SIK3: variants seen among roughly 807,000 people sequenced by gnomAD.
SIK3 encodes serine/threonine-protein kinase SIK3.
Under a neutral mutation model 144.2 loss-of-function variants are expected in SIK3, and 28 were observed. The observed-to-expected ratio is 0.19, with a 90% CI of 0.14 to 0.27. SIK3 has a LOEUF of 0.27. SIK3 is among the 10% of genes least tolerant of loss of function. The pLI is 1.00. For missense variants in SIK3, 1,319 were observed against 1,776.0 expected, an observed-to-expected ratio of 0.74 and a Z score of 4.62; for synonymous variants, 686 against 676.3, an observed-to-expected ratio of 1.01 and a Z score of -0.22.
chr11:117,042,856 T>C (rs1952807083), intron 1 of SIK3, among the ~76,000 whole-genome samples: 2 of 152,240 alleles, frequency 1.3e-5, no homozygotes, highest in Non-Finnish European at 2.9e-5. Flanking sequence ...GTTGTTTACT[T>C]AGTAGCCGCC....
rs1048898943 is a variant in SIK3 at position 116,858,658 on chromosome 11, G to C, written c.2807C>G (p.Ala936Gly). Residue 936 changes from alanine to glycine, a missense_variant, in exon 21 of 25, where the codon GCG becomes GGG. By Grantham distance (60) the Ala-to-Gly change is moderately conservative (BLOSUM62 0). Transcript: ENST00000445177. This position sits in a 1 kb window ranked among gnomAD's most constrained non-coding sequence, Gnocchi z 5.4. ...CGAAAACAGATGGGGGTGTAAATGC[G>C]CCTGGTCGTAGTTAGCAGGGGAGAA... is the stretch of plus-strand genomic sequence containing the variant. The part of the protein sequence containing the change: ...NRFSPANYDQ[A>G]HLHPHLFSDQ... The C allele has an allele frequency of 6.4e-7, 1 of 1,573,900 alleles. No individual in the cohort carries two copies. Among genetic ancestry groups the C allele is most frequent in the Admixed American group, 1.8e-5 (1 of 54,196 alleles).
intron 6 of SIK3, among the ~76,000 whole-genome samples, chr11:116,883,082 T>C (rs1944627363): frequency 2.0e-5 from 3 of 152,204 alleles, no homozygotes; most frequent in African/African-American, 7.2e-5. Context: ...CCAGCTCGGG[T>C]ACCAGCCCTG....
intron 1 of SIK3, among the ~76,000 whole-genome samples, chr11:117,032,227 A>G (rs893036810): frequency 1.2e-4 from 18 of 152,182 alleles, no homozygotes; most frequent in Non-Finnish European, 1.5e-5. Flanking sequence ...TTTGATAAAA[A>G]TTGCATTAAA....
chr11:116,899,483 T>C (rs1370249438), intron 4 of SIK3, among the ~76,000 whole-genome samples: 2 of 152,226 alleles, frequency 1.3e-5, no homozygotes, highest in Non-Finnish European at 2.9e-5. Flanking sequence ...AACACATCTA[T>C]GACCATTTAA....
intron 1 of SIK3, among the ~76,000 whole-genome samples, chr11:117,066,358 G>T (rs117315666): frequency 0.028 from 4,263 of 150,914 alleles, 90 homozygotes; most frequent in Non-Finnish European, 0.044. Context: ...GTGAGCCACC[G>T]CACCTGGCCT....
intron 13 of SIK3, among the ~76,000 whole-genome samples, chr11:116,872,492 T>C (rs1228421951): frequency 1.3e-5 from 2 of 152,244 alleles, no homozygotes; most frequent in African/African-American, 4.8e-5. Flanking sequence ...GGCTATGATA[T>C]ATAATTCTTT....
At chr11:116,889,455 T>C (rs1360680025) in intron 6 of SIK3, among the ~76,000 whole-genome samples, 3 of 152,152 alleles carry the variant, frequency 2.0e-5, no homozygotes, top group Non-Finnish European at 2.9e-5. Flanking sequence ...TAGTCCTAGC[T>C]ACTTTGGAGC....
At chr11:116,913,845 G>C (rs1380893450) in intron 4 of SIK3, among the ~76,000 whole-genome samples, 9 of 151,886 alleles carry the variant, frequency 5.9e-5, no homozygotes, top group Non-Finnish European at 1.0e-4. Context: ...GGCAGAGATC[G>C]GGCCACTGCA....
intron 3 of SIK3, among the ~76,000 whole-genome samples, chr11:116,939,039 C>T (rs1948142546): frequency 6.6e-6 from 1 of 152,168 alleles, no homozygotes; most frequent in Non-Finnish European, 1.5e-5. Flanking sequence ...CTTGTCATTA[C>T]TATAATTTCT....
At chr11:117,046,077 C>A (rs1399016978) in intron 1 of SIK3, among the ~76,000 whole-genome samples, 1 of 152,206 alleles carries the variant, frequency 6.6e-6, no homozygotes, top group Non-Finnish European at 1.5e-5. Context: ...GTGGTAAGTG[C>A]AGTGGGCACT....
In SIK3 at chr11:116,844,607, AT is replaced by A. The variant is rs1462031850; in HGVS notation, c.*1035del. ...ATATATATATATATTTTATATATATATTATATATATAATATATATATAATAT... is the reference window on the plus strand; with the variant it reads ...ATATATATATATATTTTATATATATATATATATATAATATATATATAATAT... On this transcript the variant is annotated 3_prime_UTR_variant, in exon 25 of 25. Coordinates refer to ENST00000445177, the MANE Select transcript of SIK3 (RefSeq NM_001366686.3). 1 of 61,656 alleles carries A rather than the reference AT, an allele frequency of 1.6e-5. No individual in the cohort carries two copies. The highest frequency in any genetic ancestry group is 1.8e-4 in the Admixed American group (1 of 5,620). 3.8% of individuals were successfully genotyped at this position (61,656 alleles called of 1,614,324 possible).
At chr11:117,059,385 T>C (rs1168165849) in intron 1 of SIK3, among the ~76,000 whole-genome samples, 4 of 151,726 alleles carry the variant, frequency 2.6e-5, no homozygotes. Context: ...TAAAACAGGA[T>C]GTCTTGCTAA....
At chr11:116,851,411 T>C (rs929322029) in intron 21 of SIK3, among the ~76,000 whole-genome samples, 1 of 152,214 alleles carries the variant, frequency 6.6e-6, no homozygotes, top group Non-Finnish European at 1.5e-5. Context: ...ACTTCTTGAA[T>C]GTTGGGTAAA....
intron 22 of SIK3, among the ~76,000 whole-genome samples, chr11:116,848,175 T>TA (rs1226353190): frequency 7.0e-6 from 1 of 142,330 alleles, no homozygotes; most frequent in Non-Finnish European, 1.5e-5. Flanking sequence ...TTAGCTGGGC[T>TA]AAAAAAATTT....
At chr11:117,047,597 T>C (rs1164028362) in intron 1 of SIK3, among the ~76,000 whole-genome samples, 1 of 152,238 alleles carries the variant, frequency 6.6e-6, no homozygotes, top group Non-Finnish European at 1.5e-5. Context: ...ATCATGGTTC[T>C]AAAGCACCAG....
chr11:116,969,701 C>G (rs1949701362), intron 1 of SIK3, among the ~76,000 whole-genome samples: 1 of 152,104 alleles, frequency 6.6e-6, no homozygotes, highest in Non-Finnish European at 1.5e-5. Context: ...AATGATCATA[C>G]ACAGCAGTAG....
Position 116,859,489 on chromosome 11 carries a change from C to A in SIK3, c.2541G>T (p.Gln847His). 1 of 1,614,202 alleles carries A rather than the reference C, an allele frequency of 6.2e-7. No individual in the cohort carries two copies. The change falls in exon 20 of 25, where the codon CAG becomes CAT. Residue 847 changes from glutamine (Q) to histidine (H), a missense_variant. Coordinates refer to ENST00000445177, the MANE Select transcript of SIK3 (RefSeq NM_001366686.3). ...TGACCTGCTGTGACTGAGCAGGCTG[C>A]TGCATACCCAAGCAGGTTAGTGCCA... ...PNVALTCLGM[Q>H]QPAQSQQVTI... is the part of the protein sequence containing the mutation.
intron 1 of SIK3, among the ~76,000 whole-genome samples, chr11:117,097,597 C>T (rs1955533527): frequency 6.6e-6 from 1 of 152,134 alleles, no homozygotes; most frequent in Admixed American, 6.5e-5. Flanking sequence ...ATGCGGATTC[C>T]TGTCTCTGTC....
Position 116,858,366 on chromosome 11 carries a change from G to A in SIK3, c.3099C>T (p.Ile1033=), listed in dbSNP as rs140347311. ...GTGCAAACTCTGTTGGGGGCAGCCG[G>A]ATGTCCGAGTGGCCGGTGAGCGAAT... ...PRHSLTGHSD[I]RLPPTEFAQL... is the part of the protein sequence containing the mutation. Residue 1033 remains isoleucine (I), a synonymous_variant, in exon 21 of 25, where the codon ATC becomes ATT. Transcript: ENST00000445177. The surrounding 1 kb of genome is among the most constrained non-coding windows in gnomAD (Gnocchi z 5.4). 4.5e-4 allele frequency: 724 copies of A among 1,613,770 alleles called. 2 individuals are homozygous for A. In the African/African-American group the frequency reaches 8.3e-3, roughly 18 times the overall value.
Sources: allele counts gnomAD v4.1 joint callset (sites outside exome capture counted in the v4.1 genomes callset), GRCh38; gene constraint gnomAD v4.1.1; non-coding constraint Gnocchi (gnomAD v3.1); transcripts MANE v1.5; gene names NCBI Gene and HGNC (gene_info 2026-07-23, HGNC 2026-07-21).